Variants in SEZ6L observed in about 807,000 individuals in gnomAD.
SEZ6L encodes seizure related 6 homolog like.
A neutral mutation model predicts 106.2 loss-of-function variants in SEZ6L; 37 were observed. That is an observed-to-expected ratio of 0.35 (90% CI 0.27 to 0.46). The LOEUF (loss-of-function observed/expected upper bound fraction) is 0.46. Ranked by LOEUF, SEZ6L falls within the 20% of genes least tolerant of loss-of-function variation. The pLI is 1.00. For synonymous variants in SEZ6L, 541 were observed against 570.4 expected (o/e 0.95, Z 0.73); for missense variants, 1,172 against 1,332.8 (o/e 0.88, Z 1.88).
At chr22:26,253,661 T>C (rs548732992) in intron 1 of SEZ6L, among the ~76,000 whole-genome samples, 1 of 152,332 alleles carries the variant, frequency 6.6e-6, no homozygotes, top group African/African-American at 2.4e-5. Context: ...AGTTGAACTA[T>C]TTAGTTAAAT....
intron 9 of SEZ6L, among the ~76,000 whole-genome samples, chr22:26,316,834 GAAAGAAAGA>G (rs957333085): frequency 1.5e-5 from 2 of 132,744 alleles, no homozygotes; most frequent in African/African-American, 5.6e-5. Context: ...TCTGAAAAAA[GAAAGAAAGA>G]AAAGAAAGAG....
chr22:26,313,341 C>T (rs1115764), intron 8 of SEZ6L, among the ~76,000 whole-genome samples: 35,259 of 152,038 alleles, frequency 0.23, 4,915 homozygotes, highest in African/African-American at 0.39. Flanking sequence ...TACATACCTC[C>T]TCCTACAGCC....
chr22:26,263,693 C>T (rs1036575920), intron 1 of SEZ6L, among the ~76,000 whole-genome samples: 1 of 152,192 alleles, frequency 6.6e-6, no homozygotes. Flanking sequence ...CAAATCTGAT[C>T]TTCCCAAAGC....
At chr22:26,174,198 C>T (rs78159447) in intron 1 of SEZ6L, among the ~76,000 whole-genome samples, 8 of 152,066 alleles carry the variant, frequency 5.3e-5, no homozygotes, top group Non-Finnish European at 1.2e-4. Flanking sequence ...TTAATTCTCA[C>T]CAGGGGTGGT....
chr22:26,244,367 G>A (rs1470631748), intron 1 of SEZ6L: 3 of 152,208 alleles, frequency 2.0e-5, no homozygotes, highest in Non-Finnish European at 4.4e-5. Flanking sequence ...AGCACCCTTT[G>A]GTGTTAAGTC....
intron 1 of SEZ6L, among the ~76,000 whole-genome samples, chr22:26,257,405 A>G (rs992285163): frequency 2.0e-5 from 3 of 152,218 alleles, no homozygotes; most frequent in African/African-American, 7.2e-5. Context: ...GCAAAAATGA[A>G]ATTATTTTCT....
chr22:26,181,704 G>A lies in SEZ6L; in HGVS notation c.94+11941G>A, dbSNP rs117804456. On this transcript the variant is annotated intron_variant, in intron 1 of 16. Coordinates refer to ENST00000248933, the MANE Select transcript of SEZ6L (RefSeq NM_021115.5). ...ACTTACATCCTGGGATTGTGGTGAG[G>A]AGTTATGAGGTGACTCTGTAAAACT... 1.5e-3 allele frequency among the ~76,000 whole-genome samples: 230 copies of A among 152,276 alleles called. 1 individual carries two copies. The Middle Eastern group carries it at 0.024, about 16-fold the overall frequency.
At chr22:26,296,290 G>T (rs2081298230) in intron 3 of SEZ6L, among the ~76,000 whole-genome samples, 1 of 152,158 alleles carries the variant, frequency 6.6e-6, no homozygotes, top group African/African-American at 2.4e-5. Context: ...GAGAATAAGA[G>T]AATGGGCCAG....
chr22:26,281,351 T>A (rs953109953), intron 1 of SEZ6L, among the ~76,000 whole-genome samples: 1 of 151,502 alleles, frequency 6.6e-6, no homozygotes, highest in African/African-American at 2.4e-5. Context: ...GAAATAAGTT[T>A]CTTTTCTTTT....
At chr22:26,362,313 T>A (rs550035876) in intron 12 of SEZ6L, among the ~76,000 whole-genome samples, 2 of 152,194 alleles carry the variant, frequency 1.3e-5, no homozygotes, top group Non-Finnish European at 2.9e-5. Context: ...TGACCTTCAA[T>A]TAGTGGAAGG....
At chr22:26,211,068 C>T (rs2078143534) in intron 1 of SEZ6L, among the ~76,000 whole-genome samples, 1 of 152,134 alleles carries the variant, frequency 6.6e-6, no homozygotes, top group Admixed American at 6.5e-5. Context: ...GGCATCTGAC[C>T]CTGCCAATCC....
chr22:26,358,560 G>T (rs1390580269), intron 12 of SEZ6L, among the ~76,000 whole-genome samples: 1 of 152,110 alleles, frequency 6.6e-6, no homozygotes, highest in Non-Finnish European at 1.5e-5. Flanking sequence ...CTCCAGAAAT[G>T]TACATTTTCT....
intron 1 of SEZ6L, among the ~76,000 whole-genome samples, chr22:26,218,487 A>G (rs573274675): frequency 6.6e-6 from 1 of 152,064 alleles, no homozygotes; most frequent in African/African-American, 2.4e-5. Flanking sequence ...TGCTAGTTTT[A>G]TATATATTAC....
intron 5 of SEZ6L, among the ~76,000 whole-genome samples, chr22:26,301,037 C>A (rs2081437373): frequency 6.6e-6 from 1 of 152,128 alleles, no homozygotes; most frequent in Admixed American, 6.5e-5. Flanking sequence ...TCAAGCCAAG[C>A]CAATATGTGT....
rs1475381344 is a variant in SEZ6L, at chr22:26,310,535, A to C, written c.1515-135A>C. ...TGGGCAACAAGAGTGAAACTCTGTC[A>C]AAAAAAAAGAGGCAGAGTTAGGTTT... On this transcript the variant is annotated intron_variant, in intron 6 of 16. Coordinates refer to ENST00000248933, the MANE Select transcript of SEZ6L (RefSeq NM_021115.5). The C allele has an allele frequency of 4.9e-6, 4 of 808,878 alleles. No individual in the cohort carries two copies. In the East Asian group the frequency reaches 1.2e-4, roughly 25 times the overall value. 50.1% of individuals were successfully genotyped at this position (808,878 alleles called of 1,614,324 possible).
At chr22:26,347,537 A>G (rs2083048966) in intron 10 of SEZ6L, among the ~76,000 whole-genome samples, 182 bp from the exon 11 acceptor site, 1 of 152,146 alleles carries the variant, frequency 6.6e-6, no homozygotes, top group Admixed American at 6.5e-5. Context: ...AGGGGCCCAC[A>G]GAGAGAGGTA....
At chr22:26,197,939 G>A (rs1389932961) in intron 1 of SEZ6L, among the ~76,000 whole-genome samples, 1 of 152,078 alleles carries the variant, frequency 6.6e-6, no homozygotes, top group Non-Finnish European at 1.5e-5. Flanking sequence ...GAATTCCTAG[G>A]CAACCCTGGC....
chr22:26,241,632 C>T (rs373637548), intron 1 of SEZ6L, among the ~76,000 whole-genome samples: 8 of 152,250 alleles, frequency 5.3e-5, no homozygotes, highest in African/African-American at 1.9e-4. Context: ...TTTAAATTAC[C>T]ACTAATCTCA....
chr22:26,263,750 T>G (rs1353757111), intron 1 of SEZ6L, among the ~76,000 whole-genome samples: 1 of 152,228 alleles, frequency 6.6e-6, no homozygotes, highest in Non-Finnish European at 1.5e-5. Context: ...CCACTCCACC[T>G]GGTTGCTCAG....
Sources: gnomAD v4.1 joint callset for allele counts (sites outside exome capture counted in the v4.1 genomes callset) on GRCh38, gnomAD v4.1.1 for gene constraint, MANE v1.5 for transcripts, NCBI Gene and HGNC (gene_info 2026-07-23, HGNC 2026-07-21) for gene names.